The following PLAC1 variants were observed in gnomAD, a reference collection of about 807,000 sequenced individuals.
The protein encoded by PLAC1 is placenta associated 1, also known as placenta-specific protein 1.
For missense variants in PLAC1, 136 were observed against 163.2 expected (o/e 0.83, Z 0.91); for synonymous variants, 68 against 62.1 (o/e 1.09, Z -0.44).
chrX:134,710,222 T>C (rs1193678015), intron 2 of PLAC1, among the ~76,000 whole-genome samples: 1 of 111,729 alleles, frequency 9.0e-6, no homozygotes, highest in Non-Finnish European at 1.9e-5. Flanking sequence ...TAGAAATATA[T>C]GCAAAGATAC....
At chrX:134,621,262 A>T (rs1180189286) in intron 1 of PLAC1, among the ~76,000 whole-genome samples, 11 of 109,402 alleles carry the variant, frequency 1.0e-4, no homozygotes, top group Non-Finnish European at 9.5e-5. Flanking sequence ...CCTGGCCAAC[A>T]TGGTGAAATC....
chrX:134,617,760 T>G (rs757186510), intron 1 of PLAC1, among the ~76,000 whole-genome samples: 1 of 112,296 alleles, frequency 8.9e-6, no homozygotes, highest in African/African-American at 3.2e-5. Flanking sequence ...AGCCTTTCCA[T>G]GTGCCCAGCT....
chrX:134,733,519 C>T (rs1231804819), exon 2 of PLAC1: 2 of 111,659 alleles, frequency 1.8e-5, no homozygotes, highest in Non-Finnish European at 3.8e-5. Flanking sequence ...TTTTCTTTGT[C>T]CTGTGGAGTA....
At chrX:134,745,376 G>A (rs770093330) in intron 1 of PLAC1, among the ~76,000 whole-genome samples, 1 of 111,531 alleles carries the variant, frequency 9.0e-6, no homozygotes, top group South Asian at 3.8e-4. Flanking sequence ...CAGAGACATG[G>A]CATCACCAAG....
At chrX:134,566,989 G>C (rs1014345894) in intron 2 of PLAC1, among the ~76,000 whole-genome samples, 3 of 112,272 alleles carry the variant, frequency 2.7e-5, no homozygotes, top group African/African-American at 9.7e-5. Flanking sequence ...TAGAACAACA[G>C]TTTACACTGA....
Position 134,717,392 on chromosome X carries a change from A to G in PLAC1, n.174+16043T>C, listed in dbSNP as rs772495648. On this transcript the variant is annotated intron_variant and non_coding_transcript_variant, in intron 2 of 2. Transcript: ENST00000466797. Reference sequence around the variant, plus strand: ...CTGCCTCTGCTTCCAGAGTAGCTGGAATTATAGGTGCGTGCCAAAAATTAC... The same window carrying G: ...CTGCCTCTGCTTCCAGAGTAGCTGGGATTATAGGTGCGTGCCAAAAATTAC... 7.2e-5 allele frequency among the ~76,000 whole-genome samples: 8 copies of G among 110,805 alleles called. No individual in the cohort carries two copies. The South Asian group carries it at 3.1e-3, about 43-fold the overall frequency.
At chrX:134,619,965 T>C (rs1241811641) in intron 1 of PLAC1, among the ~76,000 whole-genome samples, 2 of 112,217 alleles carry the variant, frequency 1.8e-5, no homozygotes, top group African/African-American at 6.5e-5. Flanking sequence ...TTTGTTTGTT[T>C]GTTCATTTGT....
intron 2 of PLAC1, among the ~76,000 whole-genome samples, chrX:134,706,636 T>G (rs1317848467): frequency 8.9e-6 from 1 of 111,947 alleles, no homozygotes; most frequent in African/African-American, 3.2e-5. Context: ...GTCAACGATT[T>G]TAAAGCAGCC....
chrX:134,605,182 G>A (rs1187447265), intron 1 of PLAC1, among the ~76,000 whole-genome samples: 2 of 111,949 alleles, frequency 1.8e-5, no homozygotes, highest in Non-Finnish European at 3.8e-5. Flanking sequence ...GCTGGCCCAG[G>A]GATCTCAAGT....
chrX:134,660,522 C>G (rs1881967672), upstream of PLAC1, among the ~76,000 whole-genome samples: 4 of 112,255 alleles, frequency 3.6e-5, no homozygotes, highest in Admixed American at 3.8e-4. Flanking sequence ...AAAGAACACT[C>G]AACAGAGGGA....
chrX:134,602,555 A>G (rs2078093811), intron 1 of PLAC1, among the ~76,000 whole-genome samples: 2 of 112,654 alleles, frequency 1.8e-5, no homozygotes, highest in African/African-American at 6.4e-5. Flanking sequence ...ATAACTAAAA[A>G]TAATGCTATC....
chrX:134,592,721 T>C (rs1352639931), intron 2 of PLAC1, among the ~76,000 whole-genome samples: 1 of 20,026 alleles, frequency 5.0e-5, no homozygotes, highest in Non-Finnish European at 1.1e-4. Context: ...TCTGTGTCTC[T>C]TTTTTTTTTT....
chrX:134,569,408 C>T (rs923360536), intron 2 of PLAC1, among the ~76,000 whole-genome samples: 4 of 111,337 alleles, frequency 3.6e-5, no homozygotes, highest in African/African-American at 3.3e-5. Context: ...TTGAACACGG[C>T]AGAATCTCTT....
intron 2 of PLAC1, among the ~76,000 whole-genome samples, chrX:134,592,348 T>A (rs2078042568): frequency 1.8e-5 from 2 of 112,558 alleles, no homozygotes; most frequent in Non-Finnish European, 3.7e-5. Context: ...GTTAATTTTA[T>A]GTGTCAACTT....
At chrX:134,680,608 C>CTAAACTAAACTAAACAA (rs1569403933) in intron 2 of PLAC1, among the ~76,000 whole-genome samples, 1 of 111,064 alleles carries the variant, frequency 9.0e-6, no homozygotes, top group African/African-American at 3.3e-5. Context: ...CTAAACTAAA[C>CTAAACTAAACTAAACAA]ACCTTCCTTC....
intron 1 of PLAC1, among the ~76,000 whole-genome samples, chrX:134,738,683 A>G (rs60739550): frequency 0.012 from 1,302 of 112,620 alleles, 22 homozygotes; most frequent in African/African-American, 0.039. Context: ...TGACCTTTCC[A>G]AAATTCATTT....
chrX:134,569,991 T>G (rs1315802832), intron 2 of PLAC1, among the ~76,000 whole-genome samples: 2 of 109,948 alleles, frequency 1.8e-5, no homozygotes, highest in African/African-American at 6.6e-5. Context: ...CACCATGCCC[T>G]GCTAATTTTT....
At chrX:134,735,577 T>C (rs754423207) in intron 1 of PLAC1, among the ~76,000 whole-genome samples, 2 of 111,303 alleles carry the variant, frequency 1.8e-5, no homozygotes, top group African/African-American at 6.5e-5. Context: ...GAGGAGTTTA[T>C]CACAAATATT....
chrX:134,589,952 T>C (rs921889888), intron 2 of PLAC1, among the ~76,000 whole-genome samples: 3 of 110,783 alleles, frequency 2.7e-5, no homozygotes, highest in African/African-American at 9.8e-5. Context: ...TCCCAGCACT[T>C]TGGGAGGCCA....
Sources: gnomAD v4.1 joint callset for allele counts (sites outside exome capture counted in the v4.1 genomes callset) on GRCh38, gnomAD v4.1.1 for gene constraint, MANE v1.5 for transcripts, NCBI Gene and HGNC (gene_info 2026-07-23, HGNC 2026-07-21) for gene names.